Variants in SACS observed in about 807,000 individuals in gnomAD.
SACS encodes sacsin.
A neutral mutation model predicts 348.0 loss-of-function variants in SACS; 197 were observed. The observed-to-expected ratio is 0.57, with a 90% CI of 0.50 to 0.64. The LOEUF (loss-of-function observed/expected upper bound fraction) is 0.64, where lower values mean the gene tolerates loss of function less well. SACS is among the 30% of genes least tolerant of loss of function. SACS has a pLI of 0.00. For synonymous variants in SACS, 1,985 were observed against 1,910.6 expected (o/e 1.04, Z -1.02); for missense variants, 4,999 against 5,360.8 (o/e 0.93, Z 2.11).
chr13:23,383,729 C>T (rs1202104930), intron 2 of SACS, among the ~76,000 whole-genome samples: 3 of 152,180 alleles, frequency 2.0e-5, no homozygotes, highest in East Asian at 1.9e-4. Context: ...CCAGGACAAA[C>T]GACGCTTATG....
Position 23,332,718 on chromosome 13 carries a change from C to A in SACS, c.11158G>T (p.Glu3720Ter). 1 of 1,614,004 alleles carries A rather than the reference C, an allele frequency of 6.2e-7. No homozygotes were observed. Among genetic ancestry groups the A allele is most frequent in the Non-Finnish European group, 8.5e-7 (1 of 1,179,928 alleles). ...TCTTGTGGACCAAGGTCACTACCTTCTTGTTCTTTAATGCTTAAGGGTGTA... is the reference window on the plus strand; with the variant it reads ...TCTTGTGGACCAAGGTCACTACCTTATTGTTCTTTAATGCTTAAGGGTGTA... The part of the protein sequence containing the change: ...KATPLSIKEQ[E>*]GSDLGPQEQL... Residue 3720 changes from glutamate (E) to a stop codon, truncating the protein, a stop_gained, in exon 10 of 10, where the codon GAA becomes TAA. Transcript: ENST00000382292. LOFTEE classifies it high-confidence loss of function.
At position 23,336,750 on chromosome 13, in the gene SACS, T is replaced by A. The variant is rs372090026; in HGVS notation, c.7126A>T (p.Asn2376Tyr). Residue 2376 changes from asparagine to tyrosine, a missense_variant, in exon 10 of 10, where the codon AAT becomes TAT. By Grantham distance (143) the Asn-to-Tyr change is moderately radical. Around this residue, in one of 6 missense-constraint regions of SACS, gnomAD observed 3,156 missense variants for 3,380.1 expected, o/e 0.93. Transcript: ENST00000382292. ...EAAPYLYQLP[N>Y]KYKNNFRELF... ...TCGCGGAAATTATTTTTATACTTATTAGGCAACTGATAAAGGTATGGTGCC... is the reference window on the plus strand; with the variant it reads ...TCGCGGAAATTATTTTTATACTTATAAGGCAACTGATAAAGGTATGGTGCC... 1 of 1,613,922 alleles carries A rather than the reference T, an allele frequency of 6.2e-7. No individual in the cohort carries two copies. Among genetic ancestry groups the A allele is most frequent in the Admixed American group, 1.7e-5 (1 of 60,000 alleles).
At chr13:23,346,097 C>T (rs1394650718) in intron 9 of SACS, among the ~76,000 whole-genome samples, 2 of 152,110 alleles carry the variant, frequency 1.3e-5, no homozygotes, top group Non-Finnish European at 2.9e-5. Flanking sequence ...CCTAACTTCA[C>T]AGTCACAGAT....
Position 23,332,884 on chromosome 13 carries a change from A to AGG in SACS, c.10991_10992insCC (p.Arg3665LeufsTer10), listed in dbSNP as rs1181900185. The stretch of plus-strand genomic sequence containing the variant: ...CCTCTTGATATTGAGGATGAAATCT[A>AGG]ATGAATTCCGCGGGGGCCCGCTCAG... On this transcript the variant is annotated frameshift_variant, in exon 10 of 10. Transcript: ENST00000382292. LOFTEE classifies it high-confidence loss of function. The AGG allele has an allele frequency of 6.2e-7, 1 of 1,613,912 alleles. No individual in the cohort carries two copies. Among genetic ancestry groups the AGG allele is most frequent in the Admixed American group, 1.7e-5 (1 of 60,002 alleles).
chr13:23,419,232 G>A (rs1026668742), intron 1 of SACS: 2 of 152,458 alleles, frequency 1.3e-5, no homozygotes, highest in Non-Finnish European at 2.9e-5. Flanking sequence ...CCGGGCCTAG[G>A]CCACAGGCCC....
intron 2 of SACS, among the ~76,000 whole-genome samples, chr13:23,402,813 T>C (rs1358630529): frequency 1.3e-5 from 2 of 152,076 alleles, no homozygotes; most frequent in African/African-American, 4.8e-5. Flanking sequence ...TTCACCCAAA[T>C]ATATAGGTAT....
At chr13:23,360,388 CA>C (rs869085963) in intron 6 of SACS, among the ~76,000 whole-genome samples, 13,036 of 64,198 alleles carry the variant, frequency 0.2, 615 homozygotes, top group East Asian at 0.25. Context: ...TCTACAAAGA[CA>C]AAAAAAAAAA....
chr13:23,331,905 G>C lies in SACS; in HGVS notation c.11971C>G (p.Gln3991Glu). ...TGAAGAGAACACAACGCTCCAAACT[G>C]ACAAACTTTGGGAGTCTCTTCATCT... ...QLDEETPKVC[Q>E]FGALCSLQGR... The change falls in exon 10 of 10, where the codon CAG (glutamine) becomes GAG (glutamate). Residue 3991 changes from glutamine (Q) to glutamate (E), a missense_variant. By Grantham distance (29) the Gln-to-Glu change is conservative (BLOSUM62 2). This residue lies in a region of SACS where 831 missense variants were observed against 941.8 expected (regional missense o/e 0.88). Transcript: ENST00000382292. 3 of 1,614,006 alleles carry C rather than the reference G, an allele frequency of 1.9e-6. No homozygotes were observed. In the South Asian group the frequency reaches 3.3e-5, roughly 18 times the overall value.
intron 1 of SACS, among the ~76,000 whole-genome samples, chr13:23,432,772 T>G (rs756227377): frequency 5.3e-5 from 8 of 152,202 alleles, no homozygotes; most frequent in Non-Finnish European, 1.2e-4. Context: ...CAGAGCAGCT[T>G]GCGCTTGGGA....
chr13:23,404,647 A>G (rs1350149212), intron 2 of SACS, among the ~76,000 whole-genome samples: 1 of 152,202 alleles, frequency 6.6e-6, no homozygotes, highest in Admixed American at 6.5e-5. Flanking sequence ...CTATTTGCAG[A>G]TGACATGATT....
rs1378489847 is a variant in SACS, at chr13:23,369,233, T to G, written c.260-746A>C. 3.3e-5 allele frequency among the ~76,000 whole-genome samples: 5 copies of G among 152,288 alleles called. No individual in the cohort carries two copies. In the East Asian group the frequency reaches 7.7e-4, roughly 24 times the overall value. ...TCAAATTCAACCAGTGTTCTGATTG[T>G]TCTGAAATTCAGCAGTCACTGTCTC... On this transcript the variant is annotated intron_variant, in intron 4 of 9. Transcript: ENST00000382292.
rs1490155590 is a variant in SACS, at chr13:23,331,241, C to T, written c.12635G>A (p.Arg4212Lys). Residue 4212 changes from arginine (R) to lysine (K), a missense_variant, in exon 10 of 10, where the codon AGA becomes AAA. Physicochemically the swap from Arg to Lys is conservative, Grantham distance 26. Coordinates refer to ENST00000382292, the MANE Select transcript of SACS (RefSeq NM_014363.6). ...AAAACTAGAATTGTCAGCATCTTCT[C>T]TTTCAACTTCTTGTACAATAATTGC... The part of the protein sequence containing the change: ...TYAIIVQEVE[R>K]EDADNSSFLG... 4 of 1,613,788 alleles carry T rather than the reference C, an allele frequency of 2.5e-6. No individual in the cohort carries two copies. The African/African-American group carries it at 5.3e-5, about 22-fold the overall frequency.
At chr13:23,369,766 G>C (rs931206069) in intron 4 of SACS, among the ~76,000 whole-genome samples, 3 of 151,188 alleles carry the variant, frequency 2.0e-5, no homozygotes, top group African/African-American at 7.3e-5. Flanking sequence ...AGGATGGTCT[G>C]GATCTCCTGA....
chr13:23,332,484 T>A lies in SACS; in HGVS notation c.11392A>T (p.Met3798Leu), dbSNP rs750275170. The change falls in exon 10 of 10, where the codon ATG (methionine) becomes TTG (leucine). Residue 3798 changes from methionine (M) to leucine (L), a missense_variant. This residue lies in a region of SACS where 831 missense variants were observed against 941.8 expected (regional missense o/e 0.88). Coordinates refer to ENST00000382292, the MANE Select transcript of SACS (RefSeq NM_014363.6). ...RFQLRGVAFV[M>L]VEDGWKLLKP... is the part of the protein sequence containing the mutation. ...AGAAGTTTCCAACCATCTTCTACCA[T>A]CACAAAAGCAACCCCTCGCAACTGA... The A allele has an allele frequency of 3.7e-6, 6 of 1,613,880 alleles. No homozygotes were observed. The African/African-American group carries it at 6.7e-5, about 18-fold the overall frequency.
rs1261687825 is a variant in SACS, at chr13:23,375,176, G to A, written c.114C>T (p.Ile38=). The A allele has an allele frequency of 4.6e-6, 7 of 1,505,958 alleles. No individual in the cohort carries two copies. Among genetic ancestry groups the A allele is most frequent in the Middle Eastern group, 3.4e-4 (2 of 5,880 alleles). 93.3% of individuals were successfully genotyped at this position (1,505,958 alleles called of 1,614,324 possible). The change falls in exon 3 of 10, where the codon ATC becomes ATT. Residue 38 remains isoleucine (I), a synonymous_variant. Transcript: ENST00000382292. The part of the protein sequence containing the change: ...SWTVRDVKER[I]FAETGFPVSE... ...ACACCGGGAAGCCAGTCTCCGCGAA[G>A]ATACGTTCCTTCACATCGCGCACGG...
At chr13:23,401,824 G>A (rs757769738) in intron 2 of SACS, among the ~76,000 whole-genome samples, 34 of 152,170 alleles carry the variant, frequency 2.2e-4, no homozygotes, top group Non-Finnish European at 4.4e-4. Context: ...ACTAAGCCAG[G>A]TAATCTGGGA....
rs755323715 is a variant in SACS, at chr13:23,329,156, T to C, written c.*980A>G. 2.0e-4 allele frequency: 72 copies of C among 362,108 alleles called. No homozygotes were observed. Among genetic ancestry groups the C allele is most frequent in the Non-Finnish European group, 3.1e-4 (63 of 205,200 alleles). 22.4% of individuals were successfully genotyped at this position (362,108 alleles called of 1,614,324 possible). On this transcript the variant is annotated 3_prime_UTR_variant, in exon 10 of 10. Transcript: ENST00000382292. ...TCATTCATGGGGAAATATAAGCCGA[T>C]AATTATAAACTACTAGATAACACAA...
rs1566058257 is a variant in SACS at position 23,332,724 on chromosome 13, CT to C, written c.11151del (p.Glu3718AsnfsTer17). On this transcript the variant is annotated frameshift_variant, in exon 10 of 10. Transcript: ENST00000382292. LOFTEE classifies it high-confidence loss of function. ...GGACCAAGGTCACTACCTTCTTGTT[CT>C]TTAATGCTTAAGGGTGTAGCTTTCT... ...LPEKATPLSIKEQEGSDLGPQ... is the reference protein window; with the variant it reads ...LPEKATPLSIXEQEGSDLGPQ... The C allele has an allele frequency of 6.2e-7, 1 of 1,614,034 alleles. No homozygotes were observed. The highest frequency in any genetic ancestry group is 8.5e-7 in the Non-Finnish European group (1 of 1,179,952).
At chr13:23,350,751 G>T (rs1015871938) in intron 9 of SACS, among the ~76,000 whole-genome samples, 1 of 152,080 alleles carries the variant, frequency 6.6e-6, no homozygotes, top group African/African-American at 2.4e-5. Context: ...ATATATGAAG[G>T]GGGCTCCATA....
Sources: allele counts gnomAD v4.1 joint callset (sites outside exome capture counted in the v4.1 genomes callset), GRCh38; gene constraint gnomAD v4.1.1; regional missense constraint gnomAD v4.1.1; transcripts MANE v1.5; gene names NCBI Gene and HGNC (gene_info 2026-07-23, HGNC 2026-07-21).